The following NBEA variants were observed in gnomAD, a reference collection of about 807,000 sequenced individuals.
NBEA encodes the protein neurobeachin.
A neutral mutation model predicts 343.4 loss-of-function variants in NBEA; 44 were observed. The observed-to-expected ratio is 0.13, with a 90% CI of 0.10 to 0.16. NBEA has a LOEUF of 0.16. NBEA is among the 10% of genes least tolerant of loss of function. The pLI is 1.00. For missense variants in NBEA, 2,555 were observed against 3,631.3 expected, an observed-to-expected ratio of 0.70 and a Z score of 7.62; for synonymous variants, 1,175 against 1,238.7, an observed-to-expected ratio of 0.95 and a Z score of 1.08.
At chr13:35,593,761 T>C (rs899229115) in intron 47 of NBEA, among the ~76,000 whole-genome samples, 1 of 152,128 alleles carries the variant, frequency 6.6e-6, no homozygotes, top group African/African-American at 2.4e-5. Context: ...GTCCATTCCA[T>C]AAAACACAGC....
At chr13:35,594,489 T>C (rs17087200) in intron 47 of NBEA, among the ~76,000 whole-genome samples, 12,367 of 152,192 alleles carry the variant, frequency 0.081, 619 homozygotes, top group African/African-American at 0.14. Flanking sequence ...TACTTGTTGT[T>C]GTCAAACTTT....
At chr13:35,015,420 G>A (rs1043173864) in intron 1 of NBEA, among the ~76,000 whole-genome samples, 1 of 152,032 alleles carries the variant, frequency 6.6e-6, no homozygotes, top group African/African-American at 2.4e-5. Context: ...GCAAAAAAGA[G>A]GGATTTTGAA....
intron 4 of NBEA, among the ~76,000 whole-genome samples, chr13:35,046,866 T>G (rs1231733198): frequency 3.3e-5 from 5 of 152,124 alleles, no homozygotes; most frequent in African/African-American, 1.2e-4. Flanking sequence ...GTTTTAATTT[T>G]GCATTTTATT....
chr13:35,661,888 T>C (rs1018160531), intron 55 of NBEA, among the ~76,000 whole-genome samples: 3 of 152,134 alleles, frequency 2.0e-5, no homozygotes, highest in Non-Finnish European at 4.4e-5. Context: ...CTGAATCAGA[T>C]TTTATCAGGA....
intron 41 of NBEA, among the ~76,000 whole-genome samples, chr13:35,515,224 T>C (rs2077437212): frequency 6.6e-6 from 1 of 152,084 alleles, no homozygotes; most frequent in South Asian, 2.1e-4. Flanking sequence ...AAAGCAAAGG[T>C]AGAGAGACAA....
At chr13:35,153,041 T>C (rs2068898023) in intron 18 of NBEA, among the ~76,000 whole-genome samples, 2 of 146,444 alleles carry the variant, frequency 1.4e-5, no homozygotes, top group Middle Eastern at 3.5e-3. Flanking sequence ...AGGTTCTTTT[T>C]TTTTTTTTTT....
At chr13:35,336,718 C>T (rs1363438791) in intron 36 of NBEA, among the ~76,000 whole-genome samples, 2 of 151,928 alleles carry the variant, frequency 1.3e-5, no homozygotes, top group East Asian at 1.9e-4. Context: ...TCCTTTGCAA[C>T]AACATGGATA....
At chr13:35,108,237 T>TGA (rs2066015990) in intron 11 of NBEA, among the ~76,000 whole-genome samples, 1 of 152,046 alleles carries the variant, frequency 6.6e-6, no homozygotes, top group Non-Finnish European at 1.5e-5. Context: ...ACCCTATGAC[T>TGA]GAAAGGATAG....
intron 34 of NBEA, among the ~76,000 whole-genome samples, chr13:35,246,029 C>T (rs2031135481): frequency 6.6e-6 from 1 of 151,958 alleles, no homozygotes; most frequent in African/African-American, 2.4e-5. Flanking sequence ...TTTCAAAAAC[C>T]TTATCTTCAA....
chr13:35,387,681 T>C (rs1451235415), intron 38 of NBEA, among the ~76,000 whole-genome samples: 1 of 152,144 alleles, frequency 6.6e-6, no homozygotes, highest in Admixed American at 6.6e-5. Context: ...GACTTTAAGT[T>C]AGCCTGAAAA....
At chr13:35,506,326 C>T (rs2077071117) in intron 41 of NBEA, among the ~76,000 whole-genome samples, 1 of 152,190 alleles carries the variant, frequency 6.6e-6, no homozygotes, top group African/African-American at 2.4e-5. Context: ...GCCTTGGCCT[C>T]TCATAGAACT....
intron 41 of NBEA, among the ~76,000 whole-genome samples, chr13:35,539,744 G>C (rs1459269891): frequency 8.0e-5 from 12 of 150,402 alleles, no homozygotes; most frequent in Non-Finnish European, 1.3e-4. Context: ...GTGAAACCCC[G>C]TCTCTACTAA....
intron 41 of NBEA, among the ~76,000 whole-genome samples, chr13:35,531,957 C>A (rs1402180209): frequency 6.6e-6 from 1 of 152,162 alleles, no homozygotes; most frequent in Admixed American, 6.5e-5. Context: ...TATGTTTTTA[C>A]ACCCATTTGA....
At chr13:35,175,677 G>A (rs952517817) in intron 27 of NBEA, among the ~76,000 whole-genome samples, 3 of 152,120 alleles carry the variant, frequency 2.0e-5, no homozygotes, top group Non-Finnish European at 2.9e-5. Context: ...AATACTAGGG[G>A]AAGATTTGAC....
At chr13:35,074,040 A>G (rs747641419) in intron 10 of NBEA, among the ~76,000 whole-genome samples, 1 of 152,306 alleles carries the variant, frequency 6.6e-6, no homozygotes, top group South Asian at 2.1e-4. Context: ...TTTTTAAATT[A>G]TGAAGGCCAC....
intron 34 of NBEA, among the ~76,000 whole-genome samples, chr13:35,234,607 A>C (rs1400166614): frequency 6.6e-6 from 1 of 152,172 alleles, no homozygotes; most frequent in Non-Finnish European, 1.5e-5. Flanking sequence ...TGCAGGGCAC[A>C]TATTCTTCTA....
intron 17 of NBEA, among the ~76,000 whole-genome samples, chr13:35,134,170 C>T (rs2067587560): frequency 6.6e-6 from 1 of 151,874 alleles, no homozygotes; most frequent in African/African-American, 2.4e-5. Context: ...AAGCAAAATT[C>T]ATTTGAGATG....
intron 18 of NBEA, among the ~76,000 whole-genome samples, chr13:35,142,796 G>T (rs1287770388): frequency 6.6e-6 from 1 of 152,074 alleles, no homozygotes; most frequent in Non-Finnish European, 1.5e-5. Flanking sequence ...ATAAATTTCG[G>T]TAAGAATTAT....
In NBEA at chr13:35,632,811, C is replaced by A. The variant is rs567942733; in HGVS notation, c.7617+4563C>A. Among the ~76,000 whole-genome samples the A allele has an allele frequency of 3.9e-5, 6 of 152,076 alleles. No homozygotes were observed. The South Asian group carries it at 1.2e-3, about 32-fold the overall frequency. ...GTTTCACCATGTTGGCCAGGATGGT[C>A]TTGAACTCCTGACCTCAGGTGATCT... On this transcript the variant is annotated intron_variant, in intron 49 of 58. Transcript: ENST00000379939.
Sources: allele counts gnomAD v4.1 joint callset (sites outside exome capture counted in the v4.1 genomes callset), GRCh38; gene constraint gnomAD v4.1.1; transcripts MANE v1.5; gene names NCBI Gene and HGNC (gene_info 2026-07-23, HGNC 2026-07-21).